TMC6: variants seen among roughly 807,000 people sequenced by gnomAD.
The protein encoded by TMC6 is transmembrane channel-like protein 6.
A neutral mutation model predicts 95.4 loss-of-function variants in TMC6; 71 were observed. That is an observed-to-expected ratio of 0.74 (90% CI 0.61 to 0.91). TMC6 has a LOEUF of 0.91. Ranked by LOEUF, TMC6 falls within the 40% of genes least tolerant of loss-of-function variation. The pLI, the probability that TMC6 is intolerant of heterozygous loss-of-function variation, is 0.00. For synonymous variants in TMC6, 514 were observed against 483.1 expected, an observed-to-expected ratio of 1.06 and a Z score of -0.84; for missense variants, 1,074 against 1,079.1, an observed-to-expected ratio of 1.00 and a Z score of 0.07.
In TMC6 at chr17:78,127,270, T is replaced by C. The variant is rs554657629; in HGVS notation, c.-74-364A>G. The stretch of plus-strand genomic sequence containing the variant: ...GTTCTGGCACAGAGACACCTCCTTT[T>C]TGGAGAGAAAGGTCAGAGTAGGCTG... On this transcript the variant is annotated intron_variant, in intron 1 of 19. Coordinates refer to ENST00000590602, the MANE Select transcript of TMC6 (RefSeq NM_001127198.5). 2.4e-4 allele frequency among the ~76,000 whole-genome samples: 37 copies of C among 152,214 alleles called. No homozygotes were observed. In the South Asian group the frequency reaches 3.1e-3, roughly 13 times the overall value.
In TMC6 at chr17:78,126,378, G is replaced by GA; in HGVS notation, c.182-13dup. 1 of 1,596,526 alleles carries GA rather than the reference G, an allele frequency of 6.3e-7. No individual in the cohort carries two copies. Among genetic ancestry groups the GA allele is most frequent in the Non-Finnish European group, 8.5e-7 (1 of 1,176,844 alleles). The stretch of plus-strand genomic sequence containing the variant: ...CTGCTGGCTACTTCCTACAAAGCAA[G>GA]AAAGACTCACCAGGGGTCCTGGAGA... On this transcript the variant is annotated splice_polypyrimidine_tract_variant and intron_variant, in intron 3 of 19. Transcript: ENST00000590602.
upstream of TMC6, chr17:78,130,561 G>A (rs1043308815): frequency 6.6e-6 from 1 of 152,322 alleles, no homozygotes; most frequent in African/African-American, 2.4e-5. Context: ...GTGCAGAGGG[G>A]AAGGGTGGGC....
At chr17:78,124,272 C>A in intron 8 of TMC6, 93 bp from the exon 9 acceptor site, 1 of 1,522,340 alleles carries the variant, frequency 6.6e-7, no homozygotes. Flanking sequence ...CAGGAGGAGG[C>A]CAGGCAGGGG....
chr17:78,107,695 C>T lies in TMC6; in HGVS notation c.*5453G>A, dbSNP rs773898274. 13 of 152,254 alleles carry T rather than the reference C, an allele frequency of 8.5e-5. No individual in the cohort carries two copies. The highest frequency in any genetic ancestry group is 1.9e-4 in the Non-Finnish European group (13 of 68,044). 9.4% of individuals were successfully genotyped at this position (152,254 alleles called of 1,614,324 possible). A position where few individuals can be genotyped will look rare whatever the true frequency, so the allele number is the denominator to read the frequency against. On this transcript the variant is annotated 3_prime_UTR_variant, in exon 20 of 20. Transcript: ENST00000590602. ...ATCATCATCGAGAGGCACAGCCAAG[C>T]TTTCCAGCTCTCCACCCCCGTGGCC... is the stretch of plus-strand genomic sequence containing the variant.
In TMC6 at chr17:78,124,719, G is replaced by A. The variant is rs375113408; in HGVS notation, c.696C>T (p.Tyr232=). 33 of 1,592,462 alleles carry A rather than the reference G, an allele frequency of 2.1e-5. No individual in the cohort carries two copies. Among genetic ancestry groups the A allele is most frequent in the Admixed American group, 3.6e-5 (2 of 56,268 alleles). ...ACTGGCCCCCGATGCGCTTCAGGGC[G>A]TAGCGCCACGGCATCAGGGCCTGCA... ...SALQALMPWR[Y]ALKRIGGQFG... The change falls in exon 8 of 20, where the codon TAC becomes TAT. Residue 232 remains tyrosine (Y), a synonymous_variant. Transcript: ENST00000590602.
Position 78,107,619 on chromosome 17 carries a change from G to A in TMC6, c.*5529C>T, listed in dbSNP as rs1161197749. ...GTGAACTCAGATTTTCCATTGTTTT[G>A]CTTTATTCTATCATTTGCTTTGTGG... On this transcript the variant is annotated 3_prime_UTR_variant, in exon 20 of 20. Transcript: ENST00000590602. 1 of 152,170 alleles carries A rather than the reference G, an allele frequency of 6.6e-6. No individual in the cohort carries two copies. The highest frequency in any genetic ancestry group is 6.5e-5 in the Admixed American group (1 of 15,278). 9.4% of individuals were successfully genotyped at this position (152,170 alleles called of 1,614,324 possible). A position where few individuals can be genotyped will look rare whatever the true frequency, so the allele number is the denominator to read the frequency against.
In TMC6 at chr17:78,122,144, A is replaced by G. The variant is rs1183233912; in HGVS notation, c.1228-433T>C. Among the ~76,000 whole-genome samples the G allele has an allele frequency of 2.0e-5, 3 of 152,114 alleles. No individual in the cohort carries two copies. Among genetic ancestry groups the G allele is most frequent in the Non-Finnish European group, 4.4e-5 (3 of 68,002 alleles). On this transcript the variant is annotated intron_variant, in intron 10 of 19. Transcript: ENST00000590602. The surrounding 1 kb of genome is among the most constrained non-coding windows in gnomAD (Gnocchi z 4.9). The stretch of plus-strand genomic sequence containing the variant: ...GCACAGAACCCCAGAAAGGCAGAGA[A>G]TGTTCCACGAGGCCCGGCTCTGCAG...
upstream of TMC6, among the ~76,000 whole-genome samples, chr17:78,129,092 G>C (rs902059157): frequency 2.0e-5 from 3 of 147,828 alleles, no homozygotes; most frequent in Non-Finnish European, 3.0e-5. This position sits in a 1 kb window ranked among gnomAD's most constrained non-coding sequence, Gnocchi z 4.3. Context: ...GGGACACAGA[G>C]TATCTCACTC....
chr17:78,117,204 G>A (rs914860665), intron 18 of TMC6, 65 bp downstream of exon 18: 25 of 1,552,416 alleles, frequency 1.6e-5, no homozygotes, highest in Non-Finnish European at 2.2e-5. Context: ...GGGAGTGGAG[G>A]GGAGCGTCAC....
At chr17:78,113,346 C>G in intron 19 of TMC6, 135 bp from the exon 20 acceptor site, 1 of 1,255,230 alleles carries the variant, frequency 8.0e-7, no homozygotes, top group Non-Finnish European at 1.1e-6. Context: ...TTTTAGGTCC[C>G]TGTCAAAATG....
Position 78,109,905 on chromosome 17 carries a change from A to G in TMC6, c.*3243T>C. The G allele has an allele frequency of 4.0e-6, 1 of 250,410 alleles. No individual in the cohort carries two copies. Among genetic ancestry groups the G allele is most frequent in the South Asian group, 4.3e-5 (1 of 23,086 alleles). 15.5% of individuals were successfully genotyped at this position (250,410 alleles called of 1,614,324 possible). A position where few individuals can be genotyped will look rare whatever the true frequency, so the allele number is the denominator to read the frequency against. On this transcript the variant is annotated 3_prime_UTR_variant, in exon 20 of 20. Coordinates refer to ENST00000590602, the MANE Select transcript of TMC6 (RefSeq NM_001127198.5). Reference sequence around the variant, plus strand: ...AACATGGAGAAACCCTGTCTCTACTAAAAATACAAAATTAGCTGGGCATGG... The same window carrying G: ...AACATGGAGAAACCCTGTCTCTACTGAAAATACAAAATTAGCTGGGCATGG...
chr17:78,123,036 G>A, intron 9 of TMC6: 1 of 538,036 alleles, frequency 1.9e-6, no homozygotes, highest in Non-Finnish European at 3.4e-6. Context: ...AGAAGATGCT[G>A]GGCTCACCTC....
chr17:78,123,133 A>G, intron 9 of TMC6: 1 of 350,656 alleles, frequency 2.9e-6, no homozygotes, highest in East Asian at 7.4e-5. Flanking sequence ...TTCCCCTCTC[A>G]GGGCAAGTGC....
chr17:78,117,162 T>C, intron 18 of TMC6, 107 bp downstream of exon 18: 2 of 1,249,860 alleles, frequency 1.6e-6, no homozygotes, highest in Non-Finnish European at 2.3e-6. Flanking sequence ...AACAAACCCT[T>C]TCACCAGCCA....
upstream of TMC6, chr17:78,132,031 G>A (rs1381151589): frequency 6.5e-7 from 1 of 1,534,476 alleles, no homozygotes; most frequent in Admixed American, 2.0e-5. Flanking sequence ...GAGATCGGGG[G>A]TAGGACCCGC....
intron 15 of TMC6, among the ~76,000 whole-genome samples, chr17:78,118,763 G>T (rs986037957): frequency 6.6e-6 from 1 of 152,132 alleles, no homozygotes; most frequent in Non-Finnish European, 1.5e-5. Context: ...TGAACCCAGC[G>T]ATGCTTCCCA....
chr17:78,131,475 C>A, upstream of TMC6: 1 of 1,444,608 alleles, frequency 6.9e-7, no homozygotes, highest in Non-Finnish European at 9.4e-7. Context: ...AGGGCCCGCC[C>A]CCAGCCCAGC....
chr17:78,117,454 C>A lies in TMC6; in HGVS notation c.2198+14G>T. ...GGCCATCTCCCCAGGGCCGCCCCCA[C>A]CTGCGGGACTCACAGCAGCAGGGCT... On this transcript the variant is annotated intron_variant, in intron 17 of 19. Transcript: ENST00000590602. 6.2e-7 allele frequency: 1 copy of A among 1,610,448 alleles called. No individual in the cohort carries two copies. Among genetic ancestry groups the A allele is most frequent in the Non-Finnish European group, 8.5e-7 (1 of 1,179,302 alleles).
chr17:78,121,204 T>C lies in TMC6; in HGVS notation c.1384-40A>G. Reference sequence around the variant, plus strand: ...GGAGCGGTGTCATGGAAGCCCCCCATCCATGGTGGGAGCGGGCAGCTACAG... The same window carrying C: ...GGAGCGGTGTCATGGAAGCCCCCCACCCATGGTGGGAGCGGGCAGCTACAG... On this transcript the variant is annotated intron_variant, in intron 11 of 19. Transcript: ENST00000590602. The surrounding 1 kb of genome is among the most constrained non-coding windows in gnomAD (Gnocchi z 5.6). 1 of 1,554,394 alleles carries C rather than the reference T, an allele frequency of 6.4e-7. No homozygotes were observed. Among genetic ancestry groups the C allele is most frequent in the South Asian group, 1.2e-5 (1 of 85,438 alleles).
Sources: allele counts gnomAD v4.1 joint callset (sites outside exome capture counted in the v4.1 genomes callset), GRCh38; gene constraint gnomAD v4.1.1; non-coding constraint Gnocchi (gnomAD v3.1); transcripts MANE v1.5; gene names NCBI Gene and HGNC (gene_info 2026-07-23, HGNC 2026-07-21).